The following ZBTB25 variants were observed in gnomAD, a reference collection of about 807,000 sequenced individuals.
The protein encoded by ZBTB25 is zinc finger and BTB domain-containing protein 25.
ZBTB25 carries 20 observed loss-of-function variants against 34.2 expected under a neutral mutation model. That is an observed-to-expected ratio of 0.58 (90% CI 0.41 to 0.85). ZBTB25 has a LOEUF of 0.85. ZBTB25 is among the 40% of genes least tolerant of loss of function. The pLI, the probability that ZBTB25 is intolerant of heterozygous loss-of-function variation, is 0.00. For synonymous variants in ZBTB25, 175 were observed against 186.4 expected (o/e 0.94, Z 0.50); for missense variants, 437 against 521.8 (o/e 0.84, Z 1.58).
At position 64,487,995 on chromosome 14, in the gene ZBTB25, A is replaced by G. The variant is rs746436142; in HGVS notation, c.236T>C (p.Ile79Thr). 8.1e-6 allele frequency: 13 copies of G among 1,613,990 alleles called. No individual in the cohort carries two copies. The African/African-American group carries it at 1.5e-4, about 18-fold the overall frequency. Residue 79 changes from isoleucine (I) to threonine (T), a missense_variant, in exon 3 of 3, where the codon ATT becomes ACT. Ile to Thr is a moderately conservative substitution (Grantham distance 89). Transcript: ENST00000608382. ...TTTTGGCCCTTTCCCCGTGTACATA[A>G]TGTGCAACAAATAGCTGAATATGTC... Reference protein sequence around the residue: ...QPDIFSYLLHIMYTGKGPKQI... With the variant: ...QPDIFSYLLHTMYTGKGPKQI...
rs1175229585 is a variant in ZBTB25, at chr14:64,487,392, C to T, written c.839G>A (p.Gly280Asp). The T allele has an allele frequency of 7.4e-6, 12 of 1,614,026 alleles. No homozygotes were observed. Among genetic ancestry groups the T allele is most frequent in the Non-Finnish European group, 9.3e-6 (11 of 1,180,034 alleles). The change falls in exon 3 of 3, where the codon GGT (glycine) becomes GAT (aspartate). Residue 280 changes from glycine to aspartate, a missense_variant. Transcript: ENST00000608382. Reference protein sequence around the residue: ...PASILESNDLGEVHPLNENSE... With the variant: ...PASILESNDLDEVHPLNENSE... ...GTTTTCATTAAGGGGATGCACTTCA[C>T]CAAGGTCATTACTTTCCAGAATGGA...
At chr14:64,477,685 C>T (rs2078732348), downstream of ZBTB25, among the ~76,000 whole-genome samples, 1 of 152,202 alleles carries the variant, frequency 6.6e-6, no homozygotes, top group Admixed American at 6.5e-5. Context: ...GTTTTCCTCC[C>T]TATATGGTAG....
At chr14:64,494,032 G>C (rs2079179678) in intron 1 of ZBTB25, among the ~76,000 whole-genome samples, 1 of 151,912 alleles carries the variant, frequency 6.6e-6, no homozygotes, top group Non-Finnish European at 1.5e-5. Flanking sequence ...AAGTAACCAA[G>C]TATGAAAATA....
At position 64,453,645 on chromosome 14, in the gene ZBTB25, C is replaced by G. The variant is rs2078415379; in HGVS notation, c.174-4007G>C. 9.7e-6 allele frequency: 7 copies of G among 718,272 alleles called. No individual in the cohort carries two copies. In the Middle Eastern group the frequency reaches 1.4e-3, roughly 143 times the overall value. The allele number at this position is 718,272 out of a possible 1,614,324, so 44.5% of individuals were successfully genotyped here. ...TTGCTTATGTATATGTATATAAAAACCATCTTCTGCCCCTTTTAGGGACTC... is the reference window on the plus strand; with the variant it reads ...TTGCTTATGTATATGTATATAAAAAGCATCTTCTGCCCCTTTTAGGGACTC... On this transcript the variant is annotated intron_variant, in intron 2 of 2. Coordinates refer to the ZBTB25 transcript ENST00000555220.
At chr14:64,504,822 AGCGCCGAGCGCCGC>A, upstream of ZBTB25, 1 of 390,462 alleles carries the variant, frequency 2.6e-6, no homozygotes, top group Non-Finnish European at 4.5e-6. Flanking sequence ...GCCCAGCCCG[AGCGCCGAGCGCCGC>A]GCGCCGCCGC....
chr14:64,494,779 TCTGAAACTTACATAGAGCA>T (rs369174239), intron 1 of ZBTB25, among the ~76,000 whole-genome samples: 77 of 152,310 alleles, frequency 5.1e-4, no homozygotes, highest in Middle Eastern at 3.4e-3. Context: ...AGTAATAAAC[TCTGAAACTTACATAGAGCA>T]CTGAAGTTTA....
chr14:64,503,697 G>C lies in ZBTB25; in HGVS notation c.-44C>G. On this transcript the variant is annotated 5_prime_UTR_variant, in exon 1 of 3. Coordinates refer to ENST00000608382, the MANE Select transcript of ZBTB25 (RefSeq NM_006977.5). ...CGCGGCGGCAGGCCGACTCCTCCGT[G>C]CAGGAGGGGCGGGCTCCCAAGCCGC... is the stretch of plus-strand genomic sequence containing the variant. 1.3e-6 allele frequency: 1 copy of C among 780,206 alleles called. No individual in the cohort carries two copies. The highest frequency in any genetic ancestry group is 1.6e-6 in the Non-Finnish European group (1 of 642,520). 48.3% of individuals were successfully genotyped at this position (780,206 alleles called of 1,614,324 possible).
intron 1 of ZBTB25, among the ~76,000 whole-genome samples, chr14:64,497,880 A>T (rs1004988934): frequency 1.3e-5 from 2 of 152,256 alleles, no homozygotes; most frequent in Non-Finnish European, 2.9e-5. Context: ...AAAGAGCAAG[A>T]CGACTGTTTC....
rs998661146 is a variant in ZBTB25, at chr14:64,485,529, T to C, written c.*1394A>G. 1.0e-6 allele frequency: 1 copy of C among 985,376 alleles called. No homozygotes were observed. 61.0% of individuals were successfully genotyped at this position (985,376 alleles called of 1,614,324 possible). ...TTTCTTTCATCAACTTTAATTTTCCTGGGGTTTTAGCTTTGTAAGTGTCAC... is the reference window on the plus strand; with the variant it reads ...TTTCTTTCATCAACTTTAATTTTCCCGGGGTTTTAGCTTTGTAAGTGTCAC... On this transcript the variant is annotated 3_prime_UTR_variant, in exon 3 of 3. Coordinates refer to ENST00000608382, the MANE Select transcript of ZBTB25 (RefSeq NM_006977.5).
intron 2 of ZBTB25, chr14:64,469,458 C>T: frequency 6.2e-7 from 1 of 1,612,898 alleles, no homozygotes; most frequent in Non-Finnish European, 8.5e-7. Context: ...GTTACAAAAT[C>T]TAAAAATGTC....
At chr14:64,453,918 C>T in intron 2 of ZBTB25, 2 of 1,112,648 alleles carry the variant, frequency 1.8e-6, no homozygotes, top group Non-Finnish European at 2.7e-6. Context: ...CTTGGAGTCA[C>T]AATCTCTGGG....
chr14:64,476,227 T>G (rs1283020844), downstream of ZBTB25, among the ~76,000 whole-genome samples: 1 of 152,220 alleles, frequency 6.6e-6, no homozygotes, highest in Non-Finnish European at 1.5e-5. Context: ...ATCAAATATA[T>G]ATAAATTACA....
chr14:64,487,741 C>T lies in ZBTB25; in HGVS notation c.490G>A (p.Asp164Asn). ...NSGNRAAVQG[D>N]HPQLQLSLAI... ...AGAGACAACTGCAACTGGGGGTGGT[C>T]ACCCTGGACAGCAGCTCTGTTTCCA... The change falls in exon 3 of 3, where the codon GAC becomes AAC. Residue 164 changes from aspartate (D) to asparagine (N), a missense_variant. Physicochemically the swap from Asp to Asn is conservative, Grantham distance 23. Coordinates refer to ENST00000608382, the MANE Select transcript of ZBTB25 (RefSeq NM_006977.5). 6.2e-7 allele frequency: 1 copy of T among 1,614,062 alleles called. No homozygotes were observed. Among genetic ancestry groups the T allele is most frequent in the Non-Finnish European group, 8.5e-7 (1 of 1,180,022 alleles).
At chr14:64,453,749 A>C in intron 2 of ZBTB25, 1 of 1,578,706 alleles carries the variant, frequency 6.3e-7, no homozygotes, top group Non-Finnish European at 8.7e-7. Flanking sequence ...TTTCTTGTGC[A>C]TTAGCTCCCA....
intron 1 of ZBTB25, among the ~76,000 whole-genome samples, chr14:64,498,796 G>C (rs2079381190): frequency 6.6e-6 from 1 of 151,856 alleles, no homozygotes; most frequent in South Asian, 2.1e-4. Flanking sequence ...ACCACACCCA[G>C]CTAATTTTTT....
chr14:64,485,025 T>G lies in ZBTB25; in HGVS notation c.*1898A>C. On this transcript the variant is annotated 3_prime_UTR_variant, in exon 3 of 3. Transcript: ENST00000608382. ...TAGATGTGCTCTCAACACACATCAG[T>G]CTTAACCATAGGAGCCTTTACTCAC... 1 of 985,466 alleles carries G rather than the reference T, an allele frequency of 1.0e-6. No homozygotes were observed. The highest frequency in any genetic ancestry group is 1.2e-6 in the Non-Finnish European group (1 of 829,930). The allele number at this position is 985,466 out of a possible 1,614,324, so 61.0% of individuals were successfully genotyped here.
At chr14:64,466,002 T>C (rs1038285696) in intron 2 of ZBTB25, among the ~76,000 whole-genome samples, 1 of 152,210 alleles carries the variant, frequency 6.6e-6, no homozygotes, top group Non-Finnish European at 1.5e-5. Context: ...TCCTGCGCTC[T>C]GTCTCCTGCC....
At chr14:64,458,421 C>T in intron 2 of ZBTB25, 2 of 781,436 alleles carry the variant, frequency 2.6e-6, no homozygotes, top group Non-Finnish European at 4.6e-6. Context: ...CAAAACATTT[C>T]TTTTCAGACT....
intron 2 of ZBTB25, among the ~76,000 whole-genome samples, chr14:64,450,486 A>T (rs1427235505): frequency 2.0e-5 from 3 of 152,192 alleles, no homozygotes; most frequent in Non-Finnish European, 4.4e-5. Context: ...CACCTGGTCT[A>T]AGTAGAGCCC....
Sources: allele counts gnomAD v4.1 joint callset (sites outside exome capture counted in the v4.1 genomes callset), GRCh38; gene constraint gnomAD v4.1.1; transcripts MANE v1.5; gene names NCBI Gene and HGNC (gene_info 2026-07-23, HGNC 2026-07-21).